Variants in RNF150 observed in about 807,000 individuals in gnomAD.
RNF150 encodes the protein ring finger protein 150.
In RNF150, 24 loss-of-function variants were observed where a neutral mutation model predicts 39.3. The observed-to-expected ratio is 0.61, with a 90% CI of 0.44 to 0.86. RNF150 has a LOEUF of 0.86. Ranked by LOEUF, RNF150 falls within the 40% of genes least tolerant of loss-of-function variation. RNF150 has a pLI of 0.00. For missense variants in RNF150, 502 were observed against 587.8 expected (o/e 0.85, Z 1.51); for synonymous variants, 255 against 227.3 (o/e 1.12, Z -1.10).
At chr4:141,125,019 T>C (rs1726713530) in intron 1 of RNF150, among the ~76,000 whole-genome samples, 1 of 152,210 alleles carries the variant, frequency 6.6e-6, no homozygotes, top group South Asian at 2.1e-4. Context: ...CACTATATAT[T>C]ATGGAATGGG....
chr4:141,098,220 T>C (rs900822082), intron 1 of RNF150, among the ~76,000 whole-genome samples: 5 of 152,174 alleles, frequency 3.3e-5, no homozygotes, highest in Non-Finnish European at 5.9e-5. Flanking sequence ...GCTGGTAATA[T>C]AATAATGTGA....
rs1728507903 is a variant in RNF150, at chr4:140,861,934, G to GA, written c.*6326dup. 2 of 152,182 alleles carry GA rather than the reference G, an allele frequency of 1.3e-5. No homozygotes were observed. The highest frequency in any genetic ancestry group is 4.8e-5 in the African/African-American group (2 of 41,452). The allele number at this position is 152,182 out of a possible 1,614,324, so 9.4% of individuals were successfully genotyped here. On this transcript the variant is annotated 3_prime_UTR_variant, in exon 7 of 7. Transcript: ENST00000515673. ...TAAGGTCAATCAACAGTCTGCAACA[G>GA]AAAACCCCATAAGGTTTAATGGTTT...
intron 4 of RNF150, among the ~76,000 whole-genome samples, chr4:140,947,117 C>T (rs1017855630): frequency 6.6e-6 from 1 of 151,906 alleles, no homozygotes; most frequent in South Asian, 2.1e-4. Context: ...GCATCCTCCC[C>T]TAGATGCAAG....
rs556500221 is a variant in RNF150 at position 141,021,589 on chromosome 4, C to G, written c.485-53716G>C. Among the ~76,000 whole-genome samples the G allele has an allele frequency of 3.3e-5, 5 of 152,292 alleles. No individual in the cohort carries two copies. The East Asian group carries it at 9.6e-4, about 29-fold the overall frequency. On this transcript the variant is annotated intron_variant, in intron 1 of 6. Coordinates refer to ENST00000515673, the MANE Select transcript of RNF150 (RefSeq NM_020724.2). The stretch of plus-strand genomic sequence containing the variant: ...CTAACAATGAAGGTATATGGGTAAT[C>G]TCGTGCCTGCAAACTGGAACACTAA...
At chr4:141,124,223 C>T (rs1291829123) in intron 1 of RNF150, among the ~76,000 whole-genome samples, 2 of 152,280 alleles carry the variant, frequency 1.3e-5, no homozygotes, top group Admixed American at 6.5e-5. Flanking sequence ...ATTCTTACTC[C>T]CCACAAGTCT....
intron 1 of RNF150, among the ~76,000 whole-genome samples, chr4:141,162,395 A>C (rs1727530806): frequency 6.6e-6 from 1 of 152,150 alleles, no homozygotes; most frequent in Non-Finnish European, 1.5e-5. Flanking sequence ...CTTGGAAGTA[A>C]CTATGTCGTT....
chr4:140,926,211 G>C (rs933510235), intron 4 of RNF150, 138 bp from the exon 5 acceptor site: 2 of 640,140 alleles, frequency 3.1e-6, no homozygotes, highest in African/African-American at 3.6e-5. Flanking sequence ...CTAACTTGTG[G>C]GCCAAAGTGT....
rs78965410 is a variant in RNF150, at chr4:140,993,501, C to T, written c.485-25628G>A. 9.9e-5 allele frequency among the ~76,000 whole-genome samples: 15 copies of T among 152,264 alleles called. 1 individual carries two copies. In the East Asian group the frequency reaches 2.9e-3, roughly 29 times the overall value. On this transcript the variant is annotated intron_variant, in intron 1 of 6. Transcript: ENST00000515673. ...TTTTTGGCAGCAATTATTCTGCCTC[C>T]CATAGTGAAAGTAGCAGCGAGAGAC...
intron 4 of RNF150, among the ~76,000 whole-genome samples, chr4:140,928,354 T>C (rs913220301): frequency 2.1e-5 from 3 of 143,856 alleles, no homozygotes; most frequent in Non-Finnish European, 4.5e-5. Flanking sequence ...AAGGGGTACA[T>C]GGGTCATGGT....
Position 141,088,860 on chromosome 4 carries a change from C to T in RNF150, c.484+43465G>A, listed in dbSNP as rs539594300. Among the ~76,000 whole-genome samples the T allele has an allele frequency of 1.2e-3, 186 of 152,192 alleles. 2 individuals carry two copies. The highest frequency in any genetic ancestry group is 0.01 in the Middle Eastern group (3 of 294). On this transcript the variant is annotated intron_variant, in intron 1 of 6. Transcript: ENST00000515673. Reference sequence around the variant, plus strand: ...GTCCAGAACCACAGTTTTCACCTTCCGGGCTAGATGTATATGTTTTCTTAG... The same window carrying T: ...GTCCAGAACCACAGTTTTCACCTTCTGGGCTAGATGTATATGTTTTCTTAG...
Position 140,890,039 on chromosome 4 carries a change from GTCTCACCA to G in RNF150, c.1198+21097_1198+21104del, listed in dbSNP as rs1027162041. 5.9e-5 allele frequency among the ~76,000 whole-genome samples: 9 copies of G among 152,030 alleles called. No individual in the cohort carries two copies. In the East Asian group the frequency reaches 7.7e-4, roughly 13 times the overall value. On this transcript the variant is annotated intron_variant, in intron 6 of 6. Coordinates refer to ENST00000515673, the MANE Select transcript of RNF150 (RefSeq NM_020724.2). ...AAACCCCCACATTAGCTCCTTTTGT[GTCTCACCA>G]CTAGTTTCATATCCCCAACACAGCA...
chr4:141,070,513 A>G (rs1307666100), intron 1 of RNF150, among the ~76,000 whole-genome samples: 3 of 149,270 alleles, frequency 2.0e-5, no homozygotes, highest in African/African-American at 4.9e-5. Flanking sequence ...AGAATCTACA[A>G]TGAACTCAAA....
At chr4:141,027,943 T>TTTTTTTTTTC (rs1735782737) in intron 1 of RNF150, among the ~76,000 whole-genome samples, 1 of 136,402 alleles carries the variant, frequency 7.3e-6, no homozygotes, top group African/African-American at 2.7e-5. Context: ...TTTTTTTTTT[T>TTTTTTTTTTC]TTTTTTTTTC....
At chr4:141,050,898 G>T (rs1736752425) in intron 1 of RNF150, among the ~76,000 whole-genome samples, 1 of 152,204 alleles carries the variant, frequency 6.6e-6, no homozygotes. Context: ...GGGACTCTGT[G>T]TGGGGGCTCC....
chr4:141,033,801 T>A (rs1490030071), intron 1 of RNF150, among the ~76,000 whole-genome samples: 2 of 152,190 alleles, frequency 1.3e-5, no homozygotes, highest in Non-Finnish European at 2.9e-5. Flanking sequence ...GAAGTCTTTT[T>A]TTCTGAGTGG....
intron 1 of RNF150, among the ~76,000 whole-genome samples, chr4:141,070,051 C>G (rs1303113975): frequency 6.6e-6 from 1 of 152,040 alleles, no homozygotes; most frequent in East Asian, 1.9e-4. Context: ...TTTTGTGTCT[C>G]TATTTCCTTC....
At chr4:141,082,596 A>ATT (rs10708784) in intron 1 of RNF150, among the ~76,000 whole-genome samples, 4 of 149,934 alleles carry the variant, frequency 2.7e-5, no homozygotes, top group South Asian at 2.1e-4. Context: ...TTTATTTTTT[A>ATT]TTTTTTTTTT....
chr4:140,952,201 G>T (rs1732568802), intron 2 of RNF150, among the ~76,000 whole-genome samples: 1 of 151,920 alleles, frequency 6.6e-6, no homozygotes, highest in Admixed American at 6.6e-5. Flanking sequence ...TTTTAGTAGA[G>T]ATGGGTTTCA....
intron 6 of RNF150, among the ~76,000 whole-genome samples, chr4:140,896,700 AC>A (rs1177831554): frequency 0.018 from 773 of 42,052 alleles, 9 homozygotes; most frequent in East Asian, 0.061. Context: ...AAAAAAAAAA[AC>A]AAAAAAACAA....
Sources: gnomAD v4.1 joint callset for allele counts (sites outside exome capture counted in the v4.1 genomes callset) on GRCh38, gnomAD v4.1.1 for gene constraint, MANE v1.5 for transcripts, NCBI Gene and HGNC (gene_info 2026-07-23, HGNC 2026-07-21) for gene names.